The following SMAD9 variants were observed in gnomAD, a reference collection of about 807,000 sequenced individuals.
The protein encoded by SMAD9 is SMAD family member 9, also known as MAD homolog 9.
A neutral mutation model predicts 46.1 loss-of-function variants in SMAD9; 36 were observed. The observed-to-expected ratio is 0.78, with a 90% CI of 0.60 to 1.03. The LOEUF (loss-of-function observed/expected upper bound fraction) is 1.03, where lower values mean the gene tolerates loss of function less well. Among genes scored for constraint, SMAD9 ranks in the 50% least tolerant of loss-of-function variants. SMAD9 has a pLI of 0.00. For synonymous variants in SMAD9, 245 were observed against 237.1 expected, an observed-to-expected ratio of 1.03 and a Z score of -0.31; for missense variants, 572 against 599.8, an observed-to-expected ratio of 0.95 and a Z score of 0.48.
chr13:36,867,159 T>G (rs941453004), intron 4 of SMAD9, 114 bp downstream of exon 4: 1 of 725,452 alleles, frequency 1.4e-6, no homozygotes, highest in Non-Finnish European at 2.4e-6. Flanking sequence ...TTAAAACACA[T>G]GCAAAACAGC....
At position 36,844,832 on chromosome 13, in the gene SMAD9, A is replaced by G. The variant is rs1422299464; in HGVS notation, c.*3844T>C. The G allele has an allele frequency of 6.6e-6, 1 of 152,244 alleles. No individual in the cohort carries two copies. The highest frequency in any genetic ancestry group is 6.5e-5 in the Admixed American group (1 of 15,278). 9.4% of individuals were successfully genotyped at this position (152,244 alleles called of 1,614,324 possible). ...ACAGGAAAAATGAGCCAAAAGACAT[A>G]TAAGTACAGTATTCTTTATTATAAA... is the stretch of plus-strand genomic sequence containing the variant. On this transcript the variant is annotated 3_prime_UTR_variant, in exon 7 of 7. Transcript: ENST00000379826.
chr13:36,902,382 A>G (rs1202781884), intron 1 of SMAD9, among the ~76,000 whole-genome samples: 2 of 152,150 alleles, frequency 1.3e-5, no homozygotes, highest in African/African-American at 2.4e-5. Flanking sequence ...TTACATCAAT[A>G]CCACACTATT....
At chr13:36,869,067 CAG>C (rs2058263207) in intron 3 of SMAD9, among the ~76,000 whole-genome samples, 1 of 151,800 alleles carries the variant, frequency 6.6e-6, no homozygotes, top group South Asian at 2.1e-4. Context: ...TAGGCAAATT[CAG>C]AGAGACAGAA....
At chr13:36,875,570 G>A (rs561880329) in intron 2 of SMAD9, among the ~76,000 whole-genome samples, 3 of 151,732 alleles carry the variant, frequency 2.0e-5, no homozygotes, top group South Asian at 4.2e-4. Context: ...CAACTATGCA[G>A]GAAAAAAAAA....
At chr13:36,916,205 G>A (rs2058697548) in intron 1 of SMAD9, among the ~76,000 whole-genome samples, 1 of 152,136 alleles carries the variant, frequency 6.6e-6, no homozygotes, top group South Asian at 2.1e-4. Flanking sequence ...TATGGTGGGG[G>A]GAGGAATCAG....
chr13:36,866,430 T>C (rs2058235013), intron 4 of SMAD9, among the ~76,000 whole-genome samples: 1 of 152,110 alleles, frequency 6.6e-6, no homozygotes, highest in East Asian at 1.9e-4. Flanking sequence ...GTTAAGTCAC[T>C]TTCCTGTAAC....
intron 5 of SMAD9, among the ~76,000 whole-genome samples, chr13:36,862,946 G>T (rs568696967): frequency 1.6e-4 from 24 of 152,304 alleles, no homozygotes; most frequent in African/African-American, 5.1e-4. Context: ...AATCCAGGAA[G>T]CCTGCTCATG....
chr13:36,906,886 G>A (rs1247521229), intron 1 of SMAD9, among the ~76,000 whole-genome samples: 4 of 152,130 alleles, frequency 2.6e-5, no homozygotes, highest in Admixed American at 1.3e-4. Flanking sequence ...ATTACCATGT[G>A]AGCCAGTAAC....
In SMAD9 at chr13:36,920,115, C is replaced by G. The variant is rs2058732169; in HGVS notation, c.-187+1G>C. 1 of 150,310 alleles carries G rather than the reference C, an allele frequency of 6.7e-6. No individual in the cohort carries two copies. 9.3% of individuals were successfully genotyped at this position (150,310 alleles called of 1,614,324 possible). A position where few individuals can be genotyped will look rare whatever the true frequency, so the allele number is the denominator to read the frequency against. On this transcript the variant is annotated splice_donor_variant, in intron 1 of 6. Transcript: ENST00000379826. LOFTEE classifies it low-confidence loss of function (5UTR_SPLICE). ...GCCCGCTCCGAGCGCCGCGCACTCACTGCCTGGCTGCGCGCGCCCAGCGCC... is the reference window on the plus strand; with the variant it reads ...GCCCGCTCCGAGCGCCGCGCACTCAGTGCCTGGCTGCGCGCGCCCAGCGCC...
At chr13:36,900,759 AATT>A (rs1276256396) in intron 1 of SMAD9, among the ~76,000 whole-genome samples, 1 of 151,952 alleles carries the variant, frequency 6.6e-6, no homozygotes, top group African/African-American at 2.4e-5. Context: ...ATTTTAAAAA[AATT>A]ATTAAAGTGA....
chr13:36,879,895 T>G lies in SMAD9; in HGVS notation c.-186-20A>C, dbSNP rs1030223852. On this transcript the variant is annotated intron_variant, in intron 1 of 6. Transcript: ENST00000379826. Reference sequence around the variant, plus strand: ...CCAACTCTGGAAAACACGACAAGACTTCAATTAGCTTAATCGGAGTAACAT... The same window carrying G: ...CCAACTCTGGAAAACACGACAAGACGTCAATTAGCTTAATCGGAGTAACAT... 1.0e-5 allele frequency: 6 copies of G among 594,542 alleles called. No individual in the cohort carries two copies. The highest frequency in any genetic ancestry group is 1.5e-5 in the Non-Finnish European group (5 of 333,952). 36.8% of individuals were successfully genotyped at this position (594,542 alleles called of 1,614,324 possible). A position where few individuals can be genotyped will look rare whatever the true frequency, so the allele number is the denominator to read the frequency against.
At chr13:36,912,884 C>A (rs556429) in intron 1 of SMAD9, among the ~76,000 whole-genome samples, 28,430 of 152,046 alleles carry the variant, frequency 0.19, 3,032 homozygotes, top group Non-Finnish European at 0.24. Context: ...AGGAAAAATA[C>A]AGTCATCCCC....
At chr13:36,873,639 G>C (rs2058317827) in intron 2 of SMAD9, among the ~76,000 whole-genome samples, 2 of 152,218 alleles carry the variant, frequency 1.3e-5, no homozygotes. Flanking sequence ...GAGGCAGCCA[G>C]ATCACCTGAG....
At chr13:36,877,233 G>A (rs545660799) in intron 2 of SMAD9, among the ~76,000 whole-genome samples, 12 of 152,212 alleles carry the variant, frequency 7.9e-5, no homozygotes, top group Admixed American at 3.3e-4. Flanking sequence ...ATGGTGGCAC[G>A]TGCCTGTAGT....
chr13:36,888,909 T>C (rs1001232043), intron 1 of SMAD9, among the ~76,000 whole-genome samples: 1 of 152,138 alleles, frequency 6.6e-6, no homozygotes, highest in Non-Finnish European at 1.5e-5. Context: ...CACATGAAAC[T>C]GACCACATTT....
chr13:36,917,387 T>C (rs575516447), intron 1 of SMAD9, among the ~76,000 whole-genome samples: 14 of 141,892 alleles, frequency 9.9e-5, no homozygotes, highest in African/African-American at 2.9e-4. Flanking sequence ...TACTTATGCA[T>C]TTACTGTTTG....
intron 1 of SMAD9, among the ~76,000 whole-genome samples, chr13:36,908,834 G>T (rs2058638290): frequency 1.3e-5 from 2 of 152,160 alleles, no homozygotes; most frequent in Non-Finnish European, 2.9e-5. Flanking sequence ...ATAACGGCTG[G>T]ATTTTTTATA....
chr13:36,862,687 C>T (rs543715499), intron 5 of SMAD9, among the ~76,000 whole-genome samples: 5 of 152,326 alleles, frequency 3.3e-5, no homozygotes, highest in African/African-American at 1.2e-4. Flanking sequence ...CTTTACCTCT[C>T]TAATAAACTT....
chr13:36,887,040 G>GTTTTTT (rs200264324), intron 1 of SMAD9, among the ~76,000 whole-genome samples: 125 of 102,550 alleles, frequency 1.2e-3, no homozygotes, highest in Non-Finnish European at 1.7e-3. Context: ...CTTTGAATGG[G>GTTTTTT]TTTTTTTTTT....
Sources: gnomAD v4.1 joint callset for allele counts (sites outside exome capture counted in the v4.1 genomes callset) on GRCh38, gnomAD v4.1.1 for gene constraint, MANE v1.5 for transcripts, NCBI Gene and HGNC (gene_info 2026-07-23, HGNC 2026-07-21) for gene names.